Variants in WDR41 observed in about 807,000 individuals in gnomAD.
The protein encoded by WDR41 is WD repeat domain 41, also known as WD repeat-containing protein 41.
WDR41 carries 63 observed loss-of-function variants against 69.3 expected under a neutral mutation model. That is an observed-to-expected ratio of 0.91 (90% CI 0.74 to 1.12). WDR41 has a LOEUF of 1.12. WDR41 is among the 50% of genes most tolerant of loss of function. WDR41 has a pLI of 0.00. For synonymous variants in WDR41, 185 were observed against 192.1 expected, an observed-to-expected ratio of 0.96 and a Z score of 0.31; for missense variants, 543 against 534.5, an observed-to-expected ratio of 1.02 and a Z score of -0.16.
At chr5:77,449,908 T>C in intron 7 of WDR41, 38 bp from the exon 8 acceptor site, 2 of 1,369,626 alleles carry the variant, frequency 1.5e-6, no homozygotes, top group East Asian at 2.3e-5. Flanking sequence ...ATTACAATGC[T>C]CTAAGAGGAT....
chr5:77,610,058 T>C (rs1324087765), intron 1 of WDR41, among the ~76,000 whole-genome samples: 3 of 151,750 alleles, frequency 2.0e-5, no homozygotes, highest in Non-Finnish European at 4.4e-5. Context: ...AGGGTATCAG[T>C]GATGGAAGAT....
At chr5:77,541,971 G>A (rs371008646) in intron 1 of WDR41, among the ~76,000 whole-genome samples, 3 of 152,094 alleles carry the variant, frequency 2.0e-5, no homozygotes, top group Admixed American at 1.3e-4. Flanking sequence ...ACATGGACAC[G>A]TATGTTCATT....
chr5:77,503,582 AGCACCACATCACACTTATTCT>A (rs1162197873), intron 1 of WDR41, among the ~76,000 whole-genome samples: 3 of 152,238 alleles, frequency 2.0e-5, no homozygotes, highest in African/African-American at 7.2e-5. Context: ...CATTCTTCTC[AGCACCACATCACACTTATTCT>A]AAAATTGACC....
chr5:77,620,407 A>C (rs1744759120), intron 1 of WDR41: 3 of 441,660 alleles, frequency 6.8e-6, no homozygotes, highest in African/African-American at 6.1e-5. Context: ...AGAATTTGAA[A>C]GATAAGGTCC....
intron 5 of WDR41, among the ~76,000 whole-genome samples, chr5:77,455,258 C>T (rs1165821567): frequency 6.6e-6 from 1 of 152,132 alleles, no homozygotes; most frequent in African/African-American, 2.4e-5. Context: ...TTTTCATGTG[C>T]TTATTTGCTA....
chr5:77,530,977 C>T (rs1372543086), intron 1 of WDR41, among the ~76,000 whole-genome samples: 5 of 151,622 alleles, frequency 3.3e-5, no homozygotes, highest in Non-Finnish European at 4.4e-5. Context: ...AACTTGCACC[C>T]TTACCTCGCT....
intron 1 of WDR41, among the ~76,000 whole-genome samples, chr5:77,527,026 C>G (rs1338377741): frequency 6.6e-6 from 1 of 152,080 alleles, no homozygotes; most frequent in South Asian, 2.1e-4. Flanking sequence ...CAAATTTTCT[C>G]TATACTTATG....
In WDR41 at chr5:77,468,009, C is replaced by CA. The variant is rs201829683; in HGVS notation, c.168-3201dup. ...TGGACAACAGAGCAAGACTCCATCT[C>CA]AAAAAAAACACAAAAAACAAAAAAA... On this transcript the variant is annotated intron_variant, in intron 2 of 12. Coordinates refer to ENST00000296679, the MANE Select transcript of WDR41 (RefSeq NM_018268.4). Among the ~76,000 whole-genome samples, 725 of 150,822 alleles carry CA rather than the reference C, an allele frequency of 4.8e-3. 3 individuals are homozygous for CA. The highest frequency in any genetic ancestry group is 0.016 in the African/African-American group (672 of 41,100).
At chr5:77,473,943 C>A (rs1800760087) in intron 2 of WDR41, among the ~76,000 whole-genome samples, 1 of 152,064 alleles carries the variant, frequency 6.6e-6, no homozygotes, top group Non-Finnish European at 1.5e-5. Flanking sequence ...GGGTATATAC[C>A]CAAAGGATTA....
At chr5:77,604,950 A>T (rs1470767400) in intron 1 of WDR41, among the ~76,000 whole-genome samples, 6 of 152,186 alleles carry the variant, frequency 3.9e-5, no homozygotes, top group Admixed American at 3.3e-4. Flanking sequence ...ATTGGTTCTT[A>T]ATGCATTTTT....
At chr5:77,594,236 AG>A (rs1476650609) in intron 1 of WDR41, among the ~76,000 whole-genome samples, 5 of 123,046 alleles carry the variant, frequency 4.1e-5, no homozygotes, top group Non-Finnish European at 6.3e-5. Context: ...GGACACAGGA[AG>A]GGGAACATCA....
intron 2 of WDR41, among the ~76,000 whole-genome samples, chr5:77,473,985 C>T (rs1194103207): frequency 2.6e-5 from 4 of 152,144 alleles, no homozygotes; most frequent in Admixed American, 6.5e-5. Flanking sequence ...CACATGCACA[C>T]GTGTGTTTAT....
chr5:77,561,053 C>G (rs1351225860), intron 1 of WDR41, among the ~76,000 whole-genome samples: 3 of 152,234 alleles, frequency 2.0e-5, no homozygotes, highest in South Asian at 2.1e-4. Context: ...TAGATGTTGA[C>G]AAGTATTTCA....
At chr5:77,483,452 T>C (rs1801371778) in intron 2 of WDR41, among the ~76,000 whole-genome samples, 1 of 151,398 alleles carries the variant, frequency 6.6e-6, no homozygotes. Context: ...GCCCAAGTTT[T>C]AACCACCCCT....
chr5:77,618,318 A>G (rs1744714138), intron 1 of WDR41, among the ~76,000 whole-genome samples: 1 of 152,164 alleles, frequency 6.6e-6, no homozygotes. Context: ...GAACACTCTG[A>G]TGCTCTTTAT....
At chr5:77,567,264 T>C (rs528318469) in intron 1 of WDR41, among the ~76,000 whole-genome samples, 1 of 152,320 alleles carries the variant, frequency 6.6e-6, no homozygotes, top group East Asian at 1.9e-4. Context: ...TCTTCCTCAA[T>C]GGAGCTTTTA....
chr5:77,546,985 T>A (rs534944146), intron 1 of WDR41, among the ~76,000 whole-genome samples: 4 of 152,282 alleles, frequency 2.6e-5, no homozygotes, highest in African/African-American at 9.6e-5. Flanking sequence ...AGTCAATATA[T>A]GTGATACATC....
intron 1 of WDR41, among the ~76,000 whole-genome samples, chr5:77,541,804 A>C (rs914319831): frequency 6.6e-6 from 1 of 152,136 alleles, no homozygotes; most frequent in Non-Finnish European, 1.5e-5. Context: ...AAAAAGGAAC[A>C]CTTTTACACT....
chr5:77,564,374 T>G (rs916198367), intron 1 of WDR41, among the ~76,000 whole-genome samples: 1 of 152,154 alleles, frequency 6.6e-6, no homozygotes, highest in East Asian at 1.9e-4. Context: ...GGCAACATAT[T>G]AAGACTCTGT....
Sources: gnomAD v4.1 joint callset for allele counts (sites outside exome capture counted in the v4.1 genomes callset) on GRCh38, gnomAD v4.1.1 for gene constraint, MANE v1.5 for transcripts, NCBI Gene and HGNC (gene_info 2026-07-23, HGNC 2026-07-21) for gene names.